CACNA1A: variants seen among roughly 807,000 people sequenced by gnomAD.
The protein encoded by CACNA1A is voltage-dependent P/Q-type calcium channel subunit alpha-1A.
In CACNA1A, 57 loss-of-function variants were observed where a neutral mutation model predicts 262.4. That is an observed-to-expected ratio of 0.22 (90% confidence interval 0.18 to 0.27). CACNA1A has a LOEUF of 0.27. CACNA1A is among the 10% of genes least tolerant of loss of function. CACNA1A has a pLI of 1.00. For missense variants in CACNA1A, 2,526 were observed against 3,562.8 expected (o/e 0.71, Z 7.41); for synonymous variants, 1,431 against 1,419.3 (o/e 1.01, Z -0.18).
Position 13,212,041 on chromosome 19 carries a change from G to GGCCCAGATC in CACNA1A, c.6303+61_6303+62insGATCTGGGC. ...GATGCACTGGGCTGCTTGTGGGGGGGCCTGGCCCTACCCAGTGCAGAGTGA... is the reference window on the plus strand; with the variant it reads ...GATGCACTGGGCTGCTTGTGGGGGGGGCCCAGATCCCTGGCCCTACCCAGTGCAGAGTGA... On this transcript the variant is annotated intron_variant, in intron 43 of 46. Coordinates refer to ENST00000360228, the MANE Select transcript of CACNA1A (RefSeq NM_001127222.2). The surrounding 1 kb of genome is among the most constrained non-coding windows in gnomAD (Gnocchi z 5.6). 8.2e-7 allele frequency: 1 copy of GGCCCAGATC among 1,219,018 alleles called. No homozygotes were observed. Among genetic ancestry groups the GGCCCAGATC allele is most frequent in the Non-Finnish European group, 1.2e-6 (1 of 839,822 alleles). 75.5% of individuals were successfully genotyped at this position (1,219,018 alleles called of 1,614,324 possible). A position where few individuals can be genotyped will look rare whatever the true frequency, so the allele number is the denominator to read the frequency against.
chr19:13,251,867 C>T (rs767139600), intron 30 of CACNA1A, among the ~76,000 whole-genome samples: 6 of 151,678 alleles, frequency 4.0e-5, no homozygotes, highest in Non-Finnish European at 5.9e-5. Flanking sequence ...TGGGTTCAAG[C>T]GATTCTCCTG....
chr19:13,448,249 T>C (rs2060853094), intron 3 of CACNA1A, among the ~76,000 whole-genome samples: 1 of 152,100 alleles, frequency 6.6e-6, no homozygotes, highest in South Asian at 2.1e-4. Flanking sequence ...AGCAAACTAA[T>C]GCAGAAACAG....
intron 36 of CACNA1A, chr19:13,228,980 A>T: frequency 5.6e-6 from 2 of 358,442 alleles, no homozygotes; most frequent in Non-Finnish European, 1.0e-5. Context: ...GTAGGATGTC[A>T]GTCGAGTTCG....
chr19:13,363,384 C>T (rs2059147600), intron 5 of CACNA1A: 1 of 151,864 alleles, frequency 6.6e-6, no homozygotes, highest in Non-Finnish European at 1.5e-5. Context: ...ATAGCTCTGC[C>T]TCAATTAACA....
At chr19:13,464,910 G>GTTTCT (rs550758826) in intron 1 of CACNA1A, among the ~76,000 whole-genome samples, 1 of 151,084 alleles carries the variant, frequency 6.6e-6, no homozygotes, top group Non-Finnish European at 1.5e-5. Context: ...TTTTCTTTTG[G>GTTTCT]TTTCTTTTCT....
At chr19:13,283,131 TC>T in intron 22 of CACNA1A, 135 bp downstream of exon 22, 2 of 1,038,700 alleles carry the variant, frequency 1.9e-6, no homozygotes. Context: ...GCTTCCCCTC[TC>T]AACCAGCAGC....
chr19:13,451,359 T>A (rs1001998427), intron 3 of CACNA1A: 1 of 152,322 alleles, frequency 6.6e-6, no homozygotes, highest in African/African-American at 2.4e-5. Flanking sequence ...GCTATGATCC[T>A]GTAAATGATT....
rs114892807 is a variant in CACNA1A at position 13,282,529 on chromosome 19, T to C, written c.3822+738A>G. Among the ~76,000 whole-genome samples, 987 of 152,144 alleles carry C rather than the reference T, an allele frequency of 6.5e-3. 13 individuals carry two copies. The highest frequency in any genetic ancestry group is 0.023 in the African/African-American group (949 of 41,502). On this transcript the variant is annotated intron_variant, in intron 22 of 46. Coordinates refer to ENST00000360228, the MANE Select transcript of CACNA1A (RefSeq NM_001127222.2). ...GGGCTATGCACACCCATCCGTAGCA[T>C]ACAGTAGGTGATTAGTAAATGCAGA...
At chr19:13,321,253 C>T (rs1183205091) in intron 10 of CACNA1A, among the ~76,000 whole-genome samples, 1 of 151,836 alleles carries the variant, frequency 6.6e-6, no homozygotes, top group Non-Finnish European at 1.5e-5. Flanking sequence ...AGGCTGGTCT[C>T]GAACTCCTAA....
At chr19:13,365,556 A>C in intron 4 of CACNA1A, 87 bp from the exon 5 acceptor site, 1 of 1,236,546 alleles carries the variant, frequency 8.1e-7, no homozygotes, top group South Asian at 1.4e-5. Context: ...TCTCCCAGAC[A>C]AAGCAGGTGT....
intron 1 of CACNA1A, among the ~76,000 whole-genome samples, chr19:13,502,954 A>C (rs1006642031): frequency 6.6e-6 from 1 of 152,198 alleles, no homozygotes; most frequent in African/African-American, 2.4e-5. Flanking sequence ...CCTGCTTTCC[A>C]TATCGACCTG....
rs553694506 is a variant in CACNA1A at position 13,457,164 on chromosome 19, T to C, written c.294-1952A>G. 1.7e-3 allele frequency among the ~76,000 whole-genome samples: 253 copies of C among 151,798 alleles called. 1 individual carries two copies. The highest frequency in any genetic ancestry group is 3.4e-3 in the Middle Eastern group (1 of 294). ...TACTTGGGAGGCTGAGGAGAGAGGA[T>C]TGCTTGAGCCCCAGGAGGTTGAGGC... On this transcript the variant is annotated intron_variant, in intron 1 of 46. Transcript: ENST00000360228.
intron 3 of CACNA1A, among the ~76,000 whole-genome samples, chr19:13,437,975 G>A (rs4340440): frequency 0.18 from 26,982 of 152,102 alleles, 2,691 homozygotes; most frequent in East Asian, 0.3. Flanking sequence ...CCACCTGTGA[G>A]GGTTCAGAAC....
intron 19 of CACNA1A, among the ~76,000 whole-genome samples, chr19:13,297,943 G>A (rs1600269205): frequency 6.6e-6 from 1 of 151,392 alleles, no homozygotes; most frequent in Non-Finnish European, 1.5e-5. Context: ...TGATTCTCCC[G>A]CCTCAGCCTC....
intron 30 of CACNA1A, among the ~76,000 whole-genome samples, chr19:13,249,311 A>C (rs1331781173): frequency 6.6e-6 from 1 of 151,946 alleles, no homozygotes; most frequent in East Asian, 1.9e-4. Flanking sequence ...AATGAAAGCC[A>C]CTGTTTTGGA....
chr19:13,506,239 A>C lies in CACNA1A; in HGVS notation c.-15T>G, dbSNP rs1050875975. 152 of 1,452,490 alleles carry C rather than the reference A, an allele frequency of 1.0e-4. No individual in the cohort carries two copies. Among genetic ancestry groups the C allele is most frequent in the Non-Finnish European group, 1.3e-4 (149 of 1,113,330 alleles). The allele number at this position is 1,452,490 out of a possible 1,614,324, so 90.0% of individuals were successfully genotyped here. The stretch of plus-strand genomic sequence containing the variant: ...AAGCGGGCCATTCTGCAAAGAGCAA[A>C]GGGCTCCGGGTTACGCTGCGGCGAA... On this transcript the variant is annotated 5_prime_UTR_variant, in exon 1 of 47. Transcript: ENST00000360228.
chr19:13,430,001 G>A (rs1277715625), intron 3 of CACNA1A, among the ~76,000 whole-genome samples: 1 of 122,018 alleles, frequency 8.2e-6, no homozygotes, highest in Non-Finnish European at 1.7e-5. Flanking sequence ...GAGTGGGGAG[G>A]GGGGAAGGGG....
intron 3 of CACNA1A, among the ~76,000 whole-genome samples, chr19:13,448,156 C>G (rs2060851642): frequency 6.6e-6 from 1 of 151,426 alleles, no homozygotes; most frequent in African/African-American, 2.4e-5. Context: ...TACATATACA[C>G]CATGGAATAC....
intron 1 of CACNA1A, among the ~76,000 whole-genome samples, chr19:13,502,551 G>A (rs1207080958): frequency 1.3e-5 from 2 of 152,146 alleles, no homozygotes; most frequent in African/African-American, 4.8e-5. Context: ...AGACCCTCAT[G>A]GCCCTATTTG....
Sources: gnomAD v4.1 joint callset for allele counts (sites outside exome capture counted in the v4.1 genomes callset) on GRCh38, gnomAD v4.1.1 for gene constraint, Gnocchi (gnomAD v3.1) non-coding constraint, MANE v1.5 for transcripts, NCBI Gene and HGNC (gene_info 2026-07-23, HGNC 2026-07-21) for gene names.